The following MYOM3 variants were observed in gnomAD, a reference collection of about 807,000 sequenced individuals.
MYOM3 encodes the protein myomesin 3.
Under a neutral mutation model 191.7 loss-of-function variants are expected in MYOM3, and 155 were observed. The ratio of observed to expected loss-of-function variants is 0.81; its 90% CI spans 0.71 to 0.92. The LOEUF (loss-of-function observed/expected upper bound fraction) is 0.92, where lower values mean the gene tolerates loss of function less well. Among genes scored for constraint, MYOM3 ranks in the 40% least tolerant of loss-of-function variants. The pLI, the probability that MYOM3 is intolerant of heterozygous loss-of-function variation, is 0.00. For synonymous variants in MYOM3, 757 were observed against 762.9 expected, an observed-to-expected ratio of 0.99 and a Z score of 0.13; for missense variants, 1,889 against 1,890.6, an observed-to-expected ratio of 1.00 and a Z score of 0.02.
In MYOM3 at chr1:24,087,420, C is replaced by A. The variant is rs1458322237; in HGVS notation, c.1615-593G>T. On this transcript the variant is annotated intron_variant, in intron 14 of 36. Coordinates refer to ENST00000374434, the MANE Select transcript of MYOM3 (RefSeq NM_152372.4). This position sits in a 1 kb window ranked among gnomAD's most constrained non-coding sequence, Gnocchi z 4.5. ...CTGTCTGCCCAGAACCCTCCCACGT[C>A]CCGCATCTCCCTCAGAGCAAAAGCT... Among the ~76,000 whole-genome samples the A allele has an allele frequency of 6.6e-6, 1 of 152,154 alleles. No homozygotes were observed. The highest frequency in any genetic ancestry group is 1.5e-5 in the Non-Finnish European group (1 of 68,032).
chr1:24,068,052 T>C (rs1458232022), intron 26 of MYOM3, 23 bp from the exon 27 acceptor site: 3 of 1,613,732 alleles, frequency 1.9e-6, no homozygotes, highest in Admixed American at 1.7e-5. Context: ...AGGGAGGAAC[T>C]GGCATGAGCC....
Position 24,075,360 on chromosome 1 carries a change from T to C in MYOM3, c.2817A>G (p.Pro939=). 6.2e-7 allele frequency: 1 copy of C among 1,612,928 alleles called. No individual in the cohort carries two copies. Among genetic ancestry groups the C allele is most frequent in the Non-Finnish European group, 8.5e-7 (1 of 1,179,908 alleles). The change falls in exon 22 of 37, where the codon CCA becomes CCG. Residue 939 remains proline (P), a synonymous_variant. Transcript: ENST00000374434. ...EFQWSKDYKG[P]LDPQRVKIED... ...CGATCTTGACCCTCTGGGGGTCCAGTGGGCCCTTGTAGTCTTTGGACCACT... is the reference window on the plus strand; with the variant it reads ...CGATCTTGACCCTCTGGGGGTCCAGCGGGCCCTTGTAGTCTTTGGACCACT...
At chr1:24,080,230 T>C in intron 19 of MYOM3, 36 bp from the exon 20 acceptor site, 1 of 1,556,958 alleles carries the variant, frequency 6.4e-7, no homozygotes, top group Non-Finnish European at 8.7e-7. Context: ...GATGTGTGAG[T>C]TGGGCAGCCA....
At chr1:24,077,938 C>G (rs760748059) in intron 20 of MYOM3, among the ~76,000 whole-genome samples, 2 of 152,098 alleles carry the variant, frequency 1.3e-5, no homozygotes, top group East Asian at 3.9e-4. Flanking sequence ...TCTGAGGTGG[C>G]CTTAATTTCA....
At chr1:24,079,919 A>AGTGAGAGC in intron 20 of MYOM3, 97 bp downstream of exon 20, 1 of 1,119,004 alleles carries the variant, frequency 8.9e-7, no homozygotes, top group Non-Finnish European at 1.3e-6. Context: ...GCTTCCATTA[A>AGTGAGAGC]GTGAGAGCAG....
chr1:24,074,480 CTG>C (rs1430629997), intron 22 of MYOM3, among the ~76,000 whole-genome samples: 1 of 152,222 alleles, frequency 6.6e-6, no homozygotes, highest in African/African-American at 2.4e-5. Flanking sequence ...TCTGGGCTCT[CTG>C]GCACTGGGTC....
At chr1:24,086,953 C>A in intron 14 of MYOM3, 126 bp from the exon 15 acceptor site, 3 of 982,546 alleles carry the variant, frequency 3.1e-6, no homozygotes, top group Non-Finnish European at 4.5e-6. Context: ...GCCCAGGCTG[C>A]CCCTGAGCAT....
chr1:24,073,576 G>A (rs1187490303), intron 23 of MYOM3, among the ~76,000 whole-genome samples: 1 of 152,088 alleles, frequency 6.6e-6, no homozygotes. Flanking sequence ...CTAAAAGTGG[G>A]AAAACAGGCT....
rs751248836 is a variant in MYOM3, at chr1:24,071,953, T to G, written c.3013+16A>C. On this transcript the variant is annotated intron_variant, in intron 24 of 36. Coordinates refer to ENST00000374434, the MANE Select transcript of MYOM3 (RefSeq NM_152372.4). ...TGGGAACTGCACAAGGCTGGTAGCT[T>G]GGACTGCTTGCTTACCTGGGTTTCT... 2 of 1,613,954 alleles carry G rather than the reference T, an allele frequency of 1.2e-6. No individual in the cohort carries two copies. Among genetic ancestry groups the G allele is most frequent in the Non-Finnish European group, 1.7e-6 (2 of 1,179,842 alleles).
In MYOM3 at chr1:24,093,025, C is replaced by T; in HGVS notation, c.1012G>A (p.Glu338Lys). ...CGGACCATGTAGAGCCCCTCGTCCT[C>T]CTTGTAGGTGCAGGACACCTTCAGG... ...ASLKVSCTYK[E>K]DEGLYMVRVP... Residue 338 changes from glutamate (E) to lysine (K), a missense_variant, in exon 10 of 37, where the codon GAG becomes AAG. Physicochemically the swap from Glu to Lys is moderately conservative, Grantham distance 56 (BLOSUM62 1). Transcript: ENST00000374434. The T allele has an allele frequency of 6.2e-7, 1 of 1,613,290 alleles. No homozygotes were observed.
chr1:24,098,158 G>A, intron 6 of MYOM3, 147 bp from the exon 7 acceptor site: 1 of 641,066 alleles, frequency 1.6e-6, no homozygotes, highest in South Asian at 1.9e-5. Flanking sequence ...GAAAAGCTGT[G>A]TGTTTTCTGG....
chr1:24,105,314 C>G (rs913331924), intron 5 of MYOM3, among the ~76,000 whole-genome samples: 2 of 152,228 alleles, frequency 1.3e-5, no homozygotes, highest in African/African-American at 2.4e-5. Flanking sequence ...TGAGACCTCA[C>G]GCTGAGTGAG....
chr1:24,063,637 C>A lies in MYOM3; in HGVS notation c.3623-107G>T. 2 of 1,271,032 alleles carry A rather than the reference C, an allele frequency of 1.6e-6. No individual in the cohort carries two copies. Among genetic ancestry groups the A allele is most frequent in the Non-Finnish European group, 2.3e-6 (2 of 884,586 alleles). The allele number at this position is 1,271,032 out of a possible 1,614,324, so 78.7% of individuals were successfully genotyped here. A position where few individuals can be genotyped will look rare whatever the true frequency, so the allele number is the denominator to read the frequency against. ...GCTGGTGGAGCCCGTGAGCTGCTCT[C>A]AGGGGGACAGGCAACTCTGTAGGAT... is the stretch of plus-strand genomic sequence containing the variant. On this transcript the variant is annotated intron_variant, in intron 30 of 36. Transcript: ENST00000374434. This position sits in a 1 kb window ranked among gnomAD's most constrained non-coding sequence, Gnocchi z 4.5.
At chr1:24,057,711 C>T (rs1016883050) in intron 36 of MYOM3, 84 bp from the exon 37 acceptor site, 2 of 1,241,428 alleles carry the variant, frequency 1.6e-6, no homozygotes, top group East Asian at 2.3e-5. Context: ...AGAGAGCTCC[C>T]AGCTCAGGTT....
chr1:24,062,990 C>T, intron 32 of MYOM3, 136 bp downstream of exon 32: 1 of 633,744 alleles, frequency 1.6e-6, no homozygotes, highest in Non-Finnish European at 2.9e-6. Context: ...TCTGCTAACC[C>T]CTGGGACCAG....
In MYOM3 at chr1:24,089,661, A is replaced by G. The variant is rs1164010123; in HGVS notation, c.1491T>C (p.Thr497=). 1.9e-6 allele frequency: 3 copies of G among 1,580,822 alleles called. No individual in the cohort carries two copies. The highest frequency in any genetic ancestry group is 3.7e-5 in the Admixed American group (2 of 54,190). The part of the protein sequence containing the change: ...ITISTDAFED[T]VTIPSPPTNV... The stretch of plus-strand genomic sequence containing the variant: ...TGGTTGGCGGTGAGGGGATGGTCAC[A>G]GTATCTGAAATCAGAGTCACCCGGG... The change falls in exon 14 of 37, where the codon ACT becomes ACC. Residue 497 remains threonine (T), a synonymous_variant. Transcript: ENST00000374434.
chr1:24,075,497 G>A lies in MYOM3; in HGVS notation c.2702-22C>T, dbSNP rs774833615. The A allele has an allele frequency of 3.2e-6, 5 of 1,538,708 alleles. No homozygotes were observed. The East Asian group carries it at 1.1e-4, about 35-fold the overall frequency. ...GCACCTGAGGGCGAGATCCAACAGA[G>A]GGCAGCGGATGTTTATGCATAATAA... is the stretch of plus-strand genomic sequence containing the variant. On this transcript the variant is annotated intron_variant, in intron 21 of 36. Coordinates refer to ENST00000374434, the MANE Select transcript of MYOM3 (RefSeq NM_152372.4).
rs1490798215 is a variant in MYOM3, at chr1:24,063,223, T to A, written c.3673A>T (p.Thr1225Ser). 1.2e-6 allele frequency: 2 copies of A among 1,613,250 alleles called. No homozygotes were observed. The highest frequency in any genetic ancestry group is 1.7e-6 in the Non-Finnish European group (2 of 1,179,536). ...ELGRIGALSA[T>S]PLKIQGTEEG... Reference sequence around the variant, plus strand: ...TCGGTCCCCTGGATTTTCAGTGGAGTTGCAGAGAGGGCTGGGGAGACAGAG... The same window carrying A: ...TCGGTCCCCTGGATTTTCAGTGGAGATGCAGAGAGGGCTGGGGAGACAGAG... Residue 1225 changes from threonine (T) to serine (S), a missense_variant, in exon 32 of 37, where the codon ACT becomes TCT. Physicochemically the swap from Thr to Ser is moderately conservative, Grantham distance 58. Coordinates refer to ENST00000374434, the MANE Select transcript of MYOM3 (RefSeq NM_152372.4). This position sits in a 1 kb window ranked among gnomAD's most constrained non-coding sequence, Gnocchi z 4.5.
intron 35 of MYOM3, among the ~76,000 whole-genome samples, chr1:24,060,515 C>T (rs1319671579): frequency 6.6e-6 from 1 of 152,204 alleles, no homozygotes; most frequent in Admixed American, 6.5e-5. Context: ...GAAATCCTTA[C>T]TCCTCATCTG....
Sources: gnomAD v4.1 joint callset for allele counts (sites outside exome capture counted in the v4.1 genomes callset) on GRCh38, gnomAD v4.1.1 for gene constraint, Gnocchi (gnomAD v3.1) non-coding constraint, MANE v1.5 for transcripts, NCBI Gene and HGNC (gene_info 2026-07-23, HGNC 2026-07-21) for gene names.